MS4A10: variants seen among roughly 807,000 people sequenced by gnomAD.
MS4A10 encodes the protein membrane spanning 4-domains A10.
A neutral mutation model predicts 27.7 loss-of-function variants in MS4A10; 27 were observed. That is an observed-to-expected ratio of 0.98 (90% confidence interval 0.72 to 1.35). The LOEUF is 1.35. MS4A10 is among the 40% of genes most tolerant of loss of function. The pLI, the probability that MS4A10 is intolerant of heterozygous loss-of-function variation, is 0.00. For synonymous variants in MS4A10, 139 were observed against 131.2 expected, an observed-to-expected ratio of 1.06 and a Z score of -0.41; for missense variants, 338 against 324.7, an observed-to-expected ratio of 1.04 and a Z score of -0.32.
chr11:60,790,568 G>T, intron 2 of MS4A10, 50 bp downstream of exon 2: 1 of 1,598,822 alleles, frequency 6.3e-7, no homozygotes, highest in Non-Finnish European at 8.5e-7. Context: ...GAGGAGAGGG[G>T]GATATGAGGA....
rs201049477 is a variant in MS4A10 at position 60,790,566 on chromosome 11, G to A, written c.183+48G>A. On this transcript the variant is annotated intron_variant, in intron 2 of 7. Coordinates refer to ENST00000308287, the MANE Select transcript of MS4A10 (RefSeq NM_206893.4). ...CCCAGCAGTGGGAGGCAGAGGAGAGGGGGATATGAGGAGGATGCTGGGGGG... is the reference window on the plus strand; with the variant it reads ...CCCAGCAGTGGGAGGCAGAGGAGAGAGGGATATGAGGAGGATGCTGGGGGG... 6.5e-3 allele frequency: 10,470 copies of A among 1,599,660 alleles called. 46 individuals are homozygous for A. The highest frequency in any genetic ancestry group is 7.9e-3 in the Non-Finnish European group (9,199 of 1,171,832).
At chr11:60,785,603 GGGA>G (rs1020924637) in intron 1 of MS4A10, among the ~76,000 whole-genome samples, 182 bp downstream of exon 1, 4 of 152,166 alleles carry the variant, frequency 2.6e-5, no homozygotes, top group Non-Finnish European at 5.9e-5. Context: ...ACTCCCAGAA[GGGA>G]GGAGATGTGA....
chr11:60,791,154 C>T (rs2134750586), intron 3 of MS4A10, 61 bp downstream of exon 3: 1 of 1,599,510 alleles, frequency 6.3e-7, no homozygotes. Flanking sequence ...CTGGGAGGCC[C>T]TGGCATTTGG....
At chr11:60,798,327 G>A in intron 6 of MS4A10, 69 bp from the exon 7 acceptor site, 1 of 1,181,592 alleles carries the variant, frequency 8.5e-7, no homozygotes, top group South Asian at 1.3e-5. Flanking sequence ...AACTAGCAGA[G>A]AAGTGTTTCG....
intron 2 of MS4A10, 149 bp from the exon 3 acceptor site, chr11:60,790,825 G>T: frequency 8.4e-7 from 1 of 1,184,882 alleles, no homozygotes; most frequent in East Asian, 2.4e-5. Flanking sequence ...GAAATCCTGG[G>T]GAGTGGTCCT....
At chr11:60,789,381 C>A (rs1351998954) in intron 1 of MS4A10, among the ~76,000 whole-genome samples, 1 of 152,198 alleles carries the variant, frequency 6.6e-6, no homozygotes, top group Non-Finnish European at 1.5e-5. Flanking sequence ...ATTTTCTCAC[C>A]AAGTCCCAGG....
At position 60,790,540 on chromosome 11, in the gene MS4A10, T is replaced by A. The variant is rs368463383; in HGVS notation, c.183+22T>A. 1.7e-5 allele frequency: 27 copies of A among 1,612,846 alleles called. No individual in the cohort carries two copies. The African/African-American group carries it at 3.3e-4, about 20-fold the overall frequency. On this transcript the variant is annotated intron_variant, in intron 2 of 7. Transcript: ENST00000308287. ...GGGGGTGAGCATCCACTTCCCAGGG[T>A]CCCAGCAGTGGGAGGCAGAGGAGAG...
intron 1 of MS4A10, among the ~76,000 whole-genome samples, chr11:60,787,061 C>T (rs892308282): frequency 6.6e-6 from 1 of 152,164 alleles, no homozygotes; most frequent in African/African-American, 2.4e-5. Flanking sequence ...CTGTCCCTGT[C>T]CTCCCTCCAC....
intron 1 of MS4A10, among the ~76,000 whole-genome samples, chr11:60,787,505 C>T (rs1352594065): frequency 6.6e-6 from 1 of 152,014 alleles, no homozygotes; most frequent in Admixed American, 6.6e-5. Context: ...GCTCTCTATC[C>T]CGTGAGAGAA....
rs1451110362 is a variant in MS4A10, at chr11:60,789,942, T to G, written c.-22-372T>G. Among the ~76,000 whole-genome samples, 3 of 152,152 alleles carry G rather than the reference T, an allele frequency of 2.0e-5. No individual in the cohort carries two copies. The East Asian group carries it at 5.8e-4, about 29-fold the overall frequency. ...CAGTCACTCTTCTTGGACCAGTGGA[T>G]GGAGACTGTTTACAAAGCCCCTCCA... On this transcript the variant is annotated intron_variant, in intron 1 of 7. Transcript: ENST00000308287.
intron 1 of MS4A10, among the ~76,000 whole-genome samples, chr11:60,786,481 C>T (rs1051958787): frequency 2.0e-5 from 3 of 152,222 alleles, no homozygotes; most frequent in African/African-American, 4.8e-5. Context: ...CCCCAGAGCT[C>T]TCACGGCCCT....
chr11:60,787,102 T>C (rs572924972), intron 1 of MS4A10, among the ~76,000 whole-genome samples: 72 of 152,150 alleles, frequency 4.7e-4, no homozygotes, highest in Non-Finnish European at 7.9e-4. Flanking sequence ...CGAGAATATG[T>C]GTGGGACCCA....
chr11:60,790,609 GA>G, intron 2 of MS4A10, 91 bp downstream of exon 2: 1 of 1,385,886 alleles, frequency 7.2e-7, no homozygotes, highest in Non-Finnish European at 9.9e-7. Context: ...GGAAGAAAGG[GA>G]AAAGAGAAAG....
Position 60,794,093 on chromosome 11 carries a change from C to A in MS4A10, c.482C>A (p.Pro161His). ...PFESPIWRMYPNSTVHIQRLE... is the reference protein window; with the variant it reads ...PFESPIWRMYHNSTVHIQRLE... ...GAGTCCCCGATCTGGAGAATGTACC[C>A]CAACTCCACGGTGAGTACCCAGGCC... is the stretch of plus-strand genomic sequence containing the variant. Residue 161 changes from proline to histidine, a missense_variant, in exon 5 of 8, where the codon CCC becomes CAC. Pro to His is a moderately conservative substitution (Grantham distance 77). Transcript: ENST00000308287. 6.2e-7 allele frequency: 1 copy of A among 1,614,090 alleles called. No homozygotes were observed. The highest frequency in any genetic ancestry group is 8.5e-7 in the Non-Finnish European group (1 of 1,180,018).
Position 60,790,464 on chromosome 11 carries a change from T to G in MS4A10, c.129T>G (p.Ala43=). The G allele has an allele frequency of 1.9e-6, 3 of 1,614,076 alleles. No individual in the cohort carries two copies. In the South Asian group the frequency reaches 3.3e-5, roughly 18 times the overall value. ...PQNTTQPKLL[A]PHQHEKSQKK... The stretch of plus-strand genomic sequence containing the variant: ...ACACGACCCAGCCCAAGCTCCTGGC[T>G]CCACACCAGCACGAGAAGTCCCAGA... The change falls in exon 2 of 8, where the codon GCT becomes GCG. Residue 43 remains alanine (A), a synonymous_variant. Coordinates refer to ENST00000308287, the MANE Select transcript of MS4A10 (RefSeq NM_206893.4).
chr11:60,788,092 C>T (rs1156346796), intron 1 of MS4A10, among the ~76,000 whole-genome samples: 3 of 151,960 alleles, frequency 2.0e-5, no homozygotes, highest in African/African-American at 7.3e-5. Context: ...GGGAAATGCC[C>T]TTAATACTAA....
intron 1 of MS4A10, among the ~76,000 whole-genome samples, chr11:60,788,373 T>C (rs1854373781): frequency 6.6e-6 from 1 of 152,238 alleles, no homozygotes; most frequent in African/African-American, 2.4e-5. Flanking sequence ...AGGCACTCAC[T>C]ATCTCCGTGG....
intron 3 of MS4A10, among the ~76,000 whole-genome samples, 164 bp downstream of exon 3, chr11:60,791,257 T>G (rs1854426162): frequency 1.3e-5 from 2 of 152,318 alleles, no homozygotes; most frequent in Non-Finnish European, 2.9e-5. Flanking sequence ...TCTTTTATCT[T>G]AGTCACAATG....
chr11:60,786,159 GCATGCACACA>G (rs1375292974), intron 1 of MS4A10, among the ~76,000 whole-genome samples: 2 of 143,828 alleles, frequency 1.4e-5, no homozygotes, highest in African/African-American at 2.8e-5. Context: ...GCATGCACAT[GCATGCACACA>G]CATGCACACA....
Sources: gnomAD v4.1 joint callset for allele counts (sites outside exome capture counted in the v4.1 genomes callset) on GRCh38, gnomAD v4.1.1 for gene constraint, MANE v1.5 for transcripts, NCBI Gene and HGNC (gene_info 2026-07-23, HGNC 2026-07-21) for gene names.